The following EYS variants were observed in gnomAD, a reference collection of about 807,000 sequenced individuals.
EYS encodes protein eyes shut homolog.
Under a neutral mutation model 282.1 loss-of-function variants are expected in EYS, and 250 were observed. That is an observed-to-expected ratio of 0.89 (90% CI 0.80 to 0.98). The LOEUF (loss-of-function observed/expected upper bound fraction) is 0.98, where lower values mean the gene tolerates loss of function less well. Among genes scored for constraint, EYS ranks in the 50% least tolerant of loss-of-function variants. The pLI, the probability that EYS is intolerant of heterozygous loss-of-function variation, is 0.00. For synonymous variants in EYS, 1,355 were observed against 1,282.9 expected (o/e 1.06, Z -1.20); for missense variants, 4,016 against 3,709.0 (o/e 1.08, Z -2.15).
chr6:64,214,480 T>G (rs1765871401), intron 31 of EYS, among the ~76,000 whole-genome samples: 1 of 152,130 alleles, frequency 6.6e-6, no homozygotes, highest in Admixed American at 6.5e-5. Context: ...AAAGTGCATC[T>G]TGTTATAGTC....
At chr6:64,543,486 C>A (rs1194410938) in intron 26 of EYS, among the ~76,000 whole-genome samples, 1 of 151,788 alleles carries the variant, frequency 6.6e-6, no homozygotes, top group Non-Finnish European at 1.5e-5. Context: ...TCTTAAAATT[C>A]AAAATTCAAA....
intron 2 of EYS, among the ~76,000 whole-genome samples, chr6:65,555,654 T>C (rs1010588446): frequency 6.6e-6 from 1 of 152,190 alleles, no homozygotes; most frequent in African/African-American, 2.4e-5. Flanking sequence ...CACACTTCAT[T>C]ATTGTCTAGC....
At chr6:64,151,083 A>AT (rs1258104607) in intron 31 of EYS, among the ~76,000 whole-genome samples, 3 of 151,792 alleles carry the variant, frequency 2.0e-5, no homozygotes, top group Admixed American at 2.0e-4. Flanking sequence ...GTATACAAAT[A>AT]TTTTTGTGTA....
At chr6:65,210,740 A>G (rs1390803367) in intron 12 of EYS, among the ~76,000 whole-genome samples, 5 of 151,968 alleles carry the variant, frequency 3.3e-5, no homozygotes, top group Non-Finnish European at 5.9e-5. Flanking sequence ...AAAAATAGAA[A>G]ATCACTTGTA....
chr6:64,555,586 T>A (rs1765210892), intron 26 of EYS, among the ~76,000 whole-genome samples: 1 of 151,932 alleles, frequency 6.6e-6, no homozygotes, highest in South Asian at 2.1e-4. Context: ...AACTACATCA[T>A]GTTGTACACA....
At chr6:65,405,811 C>A (rs1243889840) in intron 5 of EYS, among the ~76,000 whole-genome samples, 1 of 151,988 alleles carries the variant, frequency 6.6e-6, no homozygotes, top group Non-Finnish European at 1.5e-5. Context: ...ACAATATATA[C>A]ATTTTGTTAA....
At chr6:64,987,641 C>T (rs953611234) in intron 14 of EYS, among the ~76,000 whole-genome samples, 8 of 151,430 alleles carry the variant, frequency 5.3e-5, no homozygotes, top group South Asian at 2.1e-4. Flanking sequence ...ATGACTTGTG[C>T]TGTATATTCC....
intron 26 of EYS, among the ~76,000 whole-genome samples, chr6:64,583,709 T>C (rs182462134): frequency 5.4e-4 from 82 of 151,982 alleles, no homozygotes; most frequent in African/African-American, 2.0e-3. Flanking sequence ...GCAGGAGAAT[T>C]GCTTGAACCT....
intron 39 of EYS, among the ~76,000 whole-genome samples, chr6:63,779,605 G>A (rs1770156915): frequency 6.6e-6 from 1 of 152,092 alleles, no homozygotes; most frequent in Non-Finnish European, 1.5e-5. Context: ...TCCTTTAGCA[G>A]TTACTTATAG....
chr6:65,102,606 T>A (rs929373531), intron 12 of EYS, among the ~76,000 whole-genome samples: 1 of 151,238 alleles, frequency 6.6e-6, no homozygotes, highest in Non-Finnish European at 1.5e-5. Flanking sequence ...AATAAAAGTA[T>A]TTTTTAAACT....
chr6:64,236,150 T>C (rs1014500639), intron 30 of EYS, among the ~76,000 whole-genome samples: 5 of 152,214 alleles, frequency 3.3e-5, no homozygotes, highest in Non-Finnish European at 7.3e-5. Flanking sequence ...TTTTTCTGTA[T>C]TTTTAATAGA....
intron 26 of EYS, among the ~76,000 whole-genome samples, chr6:64,575,188 A>C (rs565021265): frequency 6.6e-6 from 1 of 152,272 alleles, no homozygotes; most frequent in African/African-American, 2.4e-5. Context: ...CAAATTATAC[A>C]CAGAATTTTA....
intron 22 of EYS, among the ~76,000 whole-genome samples, chr6:64,789,902 T>A (rs536954259): frequency 4.1e-5 from 6 of 146,998 alleles, no homozygotes; most frequent in Admixed American, 6.9e-5. Flanking sequence ...TATATATATA[T>A]AAATGTCAAA....
At chr6:64,938,297 A>G (rs1228489112) in intron 15 of EYS, among the ~76,000 whole-genome samples, 1 of 151,554 alleles carries the variant, frequency 6.6e-6, no homozygotes, top group Non-Finnish European at 1.5e-5. Context: ...GCAGTCAACC[A>G]TGCTCTAAAA....
chr6:65,644,594 T>C (rs1166018073), intron 1 of EYS, among the ~76,000 whole-genome samples: 2 of 152,190 alleles, frequency 1.3e-5, no homozygotes, highest in Non-Finnish European at 2.9e-5. Context: ...AAAAAGATCA[T>C]TGCCTAGGCA....
intron 29 of EYS, among the ~76,000 whole-genome samples, chr6:64,315,089 G>A (rs1032464507): frequency 2.0e-5 from 3 of 151,606 alleles, no homozygotes; most frequent in African/African-American, 4.8e-5. Context: ...ATGATAAAGG[G>A]GATATCACCA....
chr6:65,456,593 C>T (rs1275650589), intron 5 of EYS, among the ~76,000 whole-genome samples: 2 of 151,844 alleles, frequency 1.3e-5, no homozygotes, highest in Non-Finnish European at 2.9e-5. Flanking sequence ...CCCAGGCATG[C>T]AATGAGGGTT....
At chr6:65,578,105 T>A (rs1393470605) in intron 2 of EYS, among the ~76,000 whole-genome samples, 4 of 151,902 alleles carry the variant, frequency 2.6e-5, no homozygotes, top group African/African-American at 9.7e-5. Context: ...GAAATCAGTA[T>A]GTCAAAGAGA....
At chr6:64,271,901 G>A (rs973576530) in intron 30 of EYS, among the ~76,000 whole-genome samples, 3 of 151,958 alleles carry the variant, frequency 2.0e-5, no homozygotes, top group East Asian at 1.9e-4. Flanking sequence ...GTGCAATGGC[G>A]TGATCTCAGC....
Sources: gnomAD v4.1 joint callset for allele counts (sites outside exome capture counted in the v4.1 genomes callset) on GRCh38, gnomAD v4.1.1 for gene constraint, MANE v1.5 for transcripts, NCBI Gene and HGNC (gene_info 2026-07-23, HGNC 2026-07-21) for gene names.